PEX5L: variants seen among roughly 807,000 people sequenced by gnomAD.
PEX5L encodes the protein peroxisomal biogenesis factor 5 like, also known as PEX5-related protein.
Under a neutral mutation model 84.0 loss-of-function variants are expected in PEX5L, and 30 were observed. That is an observed-to-expected ratio of 0.36 (90% CI 0.27 to 0.48). The LOEUF (loss-of-function observed/expected upper bound fraction) is 0.48, where lower values mean the gene tolerates loss of function less well. Among genes scored for constraint, PEX5L ranks in the 20% least tolerant of loss-of-function variants. The pLI, the probability that PEX5L is intolerant of heterozygous loss-of-function variation, is 0.99. For missense variants in PEX5L, 533 were observed against 754.6 expected (o/e 0.71, Z 3.44); for synonymous variants, 270 against 283.1 (o/e 0.95, Z 0.46).
At chr3:180,018,960 G>T (rs962647916) in intron 1 of PEX5L, among the ~76,000 whole-genome samples, 14 of 152,162 alleles carry the variant, frequency 9.2e-5, no homozygotes, top group African/African-American at 3.1e-4. Context: ...GCATCATAGA[G>T]CCACAGAAAT....
chr3:179,945,583 T>C (rs1777291955), intron 2 of PEX5L, among the ~76,000 whole-genome samples: 1 of 152,348 alleles, frequency 6.6e-6, no homozygotes, highest in African/African-American at 2.4e-5. Flanking sequence ...TGGGAGGTTT[T>C]GTATCTGAAC....
Position 179,840,161 on chromosome 3 carries a change from T to TTG in PEX5L, c.822+18899_822+18900dup, listed in dbSNP as rs1235556692. 7.9e-3 allele frequency among the ~76,000 whole-genome samples: 976 copies of TTG among 123,722 alleles called. 14 individuals are homozygous for TTG. Among genetic ancestry groups the TTG allele is most frequent in the Middle Eastern group, 0.019 (4 of 216 alleles). 81.2% of individuals were successfully genotyped at this position (123,722 alleles called of 152,430 possible). On this transcript the variant is annotated intron_variant, in intron 8 of 14. Coordinates refer to ENST00000467460, the MANE Select transcript of PEX5L (RefSeq NM_016559.3). ...TGGAAAACTATCGTCAAGTTGTTTT[T>TTG]TGTGTGTGTGTGTGTGTGTGTGTTT...
chr3:179,968,657 T>C (rs73883444), intron 2 of PEX5L, among the ~76,000 whole-genome samples: 18,562 of 151,740 alleles, frequency 0.12, 1,244 homozygotes, highest in South Asian at 0.22. Context: ...GTGGAAAATA[T>C]GGACTCTGAC....
intron 2 of PEX5L, among the ~76,000 whole-genome samples, chr3:179,915,610 GA>G (rs1766780312): frequency 6.6e-6 from 1 of 152,188 alleles, no homozygotes; most frequent in Admixed American, 6.5e-5. Flanking sequence ...GGAAGGTAGA[GA>G]GCATTTTCTG....
Position 179,970,496 on chromosome 3 carries a change from G to A in PEX5L, c.93+1098C>T, listed in dbSNP as rs145343880. ...AGGAGAGCAATGATAAGAAAAACTC[G>A]GAAGCATTTTGAGTGAATGCTGTAA... On this transcript the variant is annotated intron_variant, in intron 2 of 14. Transcript: ENST00000467460. Among the ~76,000 whole-genome samples, 536 of 152,178 alleles carry A rather than the reference G, an allele frequency of 3.5e-3. 4 individuals carry two copies. The highest frequency in any genetic ancestry group is 0.012 in the African/African-American group (514 of 41,530).
At chr3:179,913,191 A>G (rs537553444) in intron 2 of PEX5L, among the ~76,000 whole-genome samples, 2 of 152,238 alleles carry the variant, frequency 1.3e-5, no homozygotes, top group South Asian at 4.1e-4. Context: ...CCAAACACAG[A>G]GACTTGCTTT....
intron 2 of PEX5L, among the ~76,000 whole-genome samples, chr3:179,940,778 A>G (rs1217012458): frequency 6.6e-6 from 1 of 152,240 alleles, no homozygotes; most frequent in Non-Finnish European, 1.5e-5. Flanking sequence ...CATTTATTGA[A>G]GCTTAAATAA....
At chr3:179,971,713 C>T in intron 1 of PEX5L, 48 bp from the exon 2 acceptor site, 1 of 1,493,916 alleles carries the variant, frequency 6.7e-7, no homozygotes, top group East Asian at 2.5e-5. Context: ...TATCCATTAA[C>T]AATCTTAATT....
At chr3:179,963,818 T>A (rs756623697) in intron 2 of PEX5L, among the ~76,000 whole-genome samples, 11 of 152,110 alleles carry the variant, frequency 7.2e-5, no homozygotes, top group Non-Finnish European at 1.6e-4. Flanking sequence ...TCACTCCCTA[T>A]GTTTCTTATG....
chr3:180,011,012 G>A (rs1789424362), intron 1 of PEX5L, among the ~76,000 whole-genome samples: 1 of 152,098 alleles, frequency 6.6e-6, no homozygotes, highest in Admixed American at 6.5e-5. Context: ...CTTATTAGCA[G>A]GTTAATTGAG....
At chr3:179,959,200 A>T (rs1781403950) in intron 2 of PEX5L, among the ~76,000 whole-genome samples, 1 of 152,196 alleles carries the variant, frequency 6.6e-6, no homozygotes, top group Non-Finnish European at 1.5e-5. Context: ...GACAGGTTCT[A>T]AAAAACATCT....
chr3:179,853,171 TC>T (rs1742585447), intron 8 of PEX5L, among the ~76,000 whole-genome samples: 1 of 152,184 alleles, frequency 6.6e-6, no homozygotes, highest in African/African-American at 2.4e-5. Context: ...CTGTGATTCT[TC>T]ACCTTAATTA....
intron 1 of PEX5L, among the ~76,000 whole-genome samples, chr3:180,026,812 T>C (rs973351312): frequency 6.6e-6 from 1 of 152,166 alleles, no homozygotes; most frequent in Non-Finnish European, 1.5e-5. Context: ...GGTGTCTATT[T>C]TACATTCAAG....
Position 179,910,573 on chromosome 3 carries a change from T to A in PEX5L, c.94-12327A>T, listed in dbSNP as rs1018903317. Reference sequence around the variant, plus strand: ...ATAATCCTGTACCACTGATAGTTTTTAAATTTTATTTGAAGAAAGCTCTTG... The same window carrying A: ...ATAATCCTGTACCACTGATAGTTTTAAAATTTTATTTGAAGAAAGCTCTTG... On this transcript the variant is annotated intron_variant, in intron 2 of 14. Coordinates refer to ENST00000467460, the MANE Select transcript of PEX5L (RefSeq NM_016559.3). 5.3e-5 allele frequency among the ~76,000 whole-genome samples: 8 copies of A among 152,352 alleles called. No homozygotes were observed. The South Asian group carries it at 1.2e-3, about 24-fold the overall frequency.
chr3:179,986,387 C>A (rs13059606), intron 1 of PEX5L, among the ~76,000 whole-genome samples: 56,821 of 146,700 alleles, frequency 0.39, 11,755 homozygotes, highest in African/African-American at 0.54. Context: ...AAAGTCCTAA[C>A]CATTTAGTAA....
intron 2 of PEX5L, among the ~76,000 whole-genome samples, chr3:179,952,930 G>C (rs1176874550): frequency 2.0e-5 from 3 of 151,950 alleles, no homozygotes; most frequent in Non-Finnish European, 4.4e-5. Flanking sequence ...CAGAACAGAG[G>C]CCTCAGAAAT....
At chr3:180,012,260 A>G (rs1037527176) in intron 1 of PEX5L, among the ~76,000 whole-genome samples, 13 of 145,476 alleles carry the variant, frequency 8.9e-5, no homozygotes, top group Non-Finnish European at 1.7e-4. Flanking sequence ...ATCTTATGAT[A>G]ATAGACAGAT....
chr3:179,821,326 G>A (rs923801636), intron 8 of PEX5L, among the ~76,000 whole-genome samples: 61 of 152,286 alleles, frequency 4.0e-4, no homozygotes, highest in African/African-American at 1.4e-3. Context: ...GCAAATCTCA[G>A]TGTCTATGAT....
rs1041470568 is a variant in PEX5L, at chr3:179,923,018, A to C, written c.94-24772T>G. On this transcript the variant is annotated intron_variant, in intron 2 of 14. Coordinates refer to ENST00000467460, the MANE Select transcript of PEX5L (RefSeq NM_016559.3). ...CAAAAACCTCAAGTGGGCCAGGCAC[A>C]GTGGCTCACGCCTGTAATCCCAGCA... Among the ~76,000 whole-genome samples, 10 of 151,844 alleles carry C rather than the reference A, an allele frequency of 6.6e-5. No individual in the cohort carries two copies. In the East Asian group the frequency reaches 1.2e-3, roughly 18 times the overall value.
Sources: allele counts gnomAD v4.1 joint callset (sites outside exome capture counted in the v4.1 genomes callset), GRCh38; gene constraint gnomAD v4.1.1; transcripts MANE v1.5; gene names NCBI Gene and HGNC (gene_info 2026-07-23, HGNC 2026-07-21).